The following PRKCB variants were observed in gnomAD, a reference collection of about 807,000 sequenced individuals.
The protein encoded by PRKCB is protein kinase C beta type.
Under a neutral mutation model 81.5 loss-of-function variants are expected in PRKCB, and 13 were observed. That is an observed-to-expected ratio of 0.16 (90% CI 0.10 to 0.25). PRKCB has a LOEUF of 0.25. PRKCB is among the 10% of genes least tolerant of loss of function. PRKCB has a pLI of 1.00. For synonymous variants in PRKCB, 335 were observed against 321.4 expected (o/e 1.04, Z -0.45); for missense variants, 509 against 875.7 (o/e 0.58, Z 5.29).
At chr16:24,173,657 C>A (rs1279178454) in intron 11 of PRKCB, among the ~76,000 whole-genome samples, 1 of 152,190 alleles carries the variant, frequency 6.6e-6, no homozygotes, top group African/African-American at 2.4e-5. Flanking sequence ...TACATAGTTC[C>A]CCAAAGCCCT....
At chr16:23,936,875 T>C (rs1964067303) in intron 2 of PRKCB, among the ~76,000 whole-genome samples, 1 of 152,158 alleles carries the variant, frequency 6.6e-6, no homozygotes, top group Non-Finnish European at 1.5e-5. Flanking sequence ...TGTGTAGAAA[T>C]CCATCTGTAG....
chr16:23,903,157 C>T (rs1404158971), intron 2 of PRKCB, among the ~76,000 whole-genome samples: 1 of 151,774 alleles, frequency 6.6e-6, no homozygotes, highest in Non-Finnish European at 1.5e-5. Context: ...AAACCCTCCC[C>T]TGACTCAGAG....
intron 16 of PRKCB, among the ~76,000 whole-genome samples, chr16:24,203,398 G>T (rs932209104): frequency 2.0e-5 from 3 of 152,096 alleles, no homozygotes; most frequent in Non-Finnish European, 4.4e-5. Flanking sequence ...CATGGCAAGA[G>T]AACACATGAG....
At chr16:24,093,951 C>A (rs1430419446) in intron 6 of PRKCB, among the ~76,000 whole-genome samples, 1 of 152,208 alleles carries the variant, frequency 6.6e-6, no homozygotes, top group African/African-American at 2.4e-5. Flanking sequence ...CATAGCCAGT[C>A]TAAGACCTCT....
intron 5 of PRKCB, among the ~76,000 whole-genome samples, chr16:24,053,574 G>A (rs1289578825): frequency 2.6e-5 from 4 of 152,090 alleles, no homozygotes; most frequent in African/African-American, 9.7e-5. Context: ...AAGAAAAAAC[G>A]GAAAAAGAGG....
intron 16 of PRKCB, among the ~76,000 whole-genome samples, chr16:24,196,150 A>C (rs1407979019): frequency 6.6e-6 from 1 of 152,138 alleles, no homozygotes; most frequent in Non-Finnish European, 1.5e-5. Context: ...CTACTTTAAG[A>C]TTGTGACTTT....
intron 5 of PRKCB, among the ~76,000 whole-genome samples, chr16:24,045,413 G>A (rs1236460839): frequency 2.6e-5 from 4 of 152,136 alleles, no homozygotes; most frequent in African/African-American, 7.2e-5. Context: ...CAGCAAGGTC[G>A]CTGGCATCAT....
intron 3 of PRKCB, among the ~76,000 whole-genome samples, chr16:24,020,173 A>T (rs567300225): frequency 1.3e-5 from 2 of 152,300 alleles, no homozygotes; most frequent in Admixed American, 1.3e-4. Flanking sequence ...GAACATTTAA[A>T]ATTTTCATTT....
At chr16:24,048,881 C>T (rs1462185140) in intron 5 of PRKCB, among the ~76,000 whole-genome samples, 5 of 152,002 alleles carry the variant, frequency 3.3e-5, no homozygotes, top group African/African-American at 7.3e-5. Flanking sequence ...TGCTATTACC[C>T]GTAGTCCTTC....
At chr16:23,865,464 G>A (rs1487729124) in intron 2 of PRKCB, among the ~76,000 whole-genome samples, 1 of 42,022 alleles carries the variant, frequency 2.4e-5, no homozygotes, top group Non-Finnish European at 4.0e-5. Flanking sequence ...AACAATGCCC[G>A]GCATATATAT....
intron 4 of PRKCB, among the ~76,000 whole-genome samples, 169 bp downstream of exon 4, chr16:24,032,416 G>A (rs776139301): frequency 2.0e-5 from 3 of 152,204 alleles, no homozygotes; most frequent in Non-Finnish European, 4.4e-5. Flanking sequence ...CCAAAACACT[G>A]TGACTGAAGA....
intron 2 of PRKCB, among the ~76,000 whole-genome samples, chr16:23,879,483 T>C (rs892394897): frequency 2.4e-3 from 1 of 414 alleles, no homozygotes; most frequent in Non-Finnish European, 4.2e-3. Flanking sequence ...TTAGCTATCC[T>C]TTTTTTTTTT....
intron 2 of PRKCB, among the ~76,000 whole-genome samples, chr16:23,913,711 G>A (rs981986736): frequency 5.3e-5 from 8 of 152,344 alleles, no homozygotes; most frequent in Non-Finnish European, 1.0e-4. Context: ...AAGCTCTTCT[G>A]ACTTTTCTGG....
chr16:24,207,944 G>T (rs1968072476), intron 16 of PRKCB, among the ~76,000 whole-genome samples: 1 of 152,214 alleles, frequency 6.6e-6, no homozygotes, highest in Non-Finnish European at 1.5e-5. Context: ...ATGGCTGGAG[G>T]GTGTCTCAGG....
chr16:23,971,024 G>A (rs1001670233), intron 2 of PRKCB, among the ~76,000 whole-genome samples: 1 of 152,140 alleles, frequency 6.6e-6, no homozygotes, highest in Admixed American at 6.5e-5. Context: ...TGGAATGTGG[G>A]GATTATAGTA....
chr16:23,896,259 A>G (rs372586485), intron 2 of PRKCB, among the ~76,000 whole-genome samples: 13 of 152,192 alleles, frequency 8.5e-5, no homozygotes, highest in African/African-American at 2.9e-4. Context: ...TTTTTTAAAG[A>G]TGTGACTCTC....
intron 5 of PRKCB, among the ~76,000 whole-genome samples, chr16:24,090,126 G>C (rs1966360076): frequency 6.6e-6 from 1 of 152,138 alleles, no homozygotes; most frequent in African/African-American, 2.4e-5. Flanking sequence ...CTAGCAGAAT[G>C]CTTAGCACTT....
At chr16:24,182,731 G>A (rs374694672) in intron 13 of PRKCB, among the ~76,000 whole-genome samples, 2 of 152,124 alleles carry the variant, frequency 1.3e-5, no homozygotes, top group East Asian at 3.9e-4. Context: ...TGGAGGGGAG[G>A]CAACTTCACC....
chr16:24,174,596 T>C lies in PRKCB; in HGVS notation c.1394+16T>C, dbSNP rs1420840424. ...TCATTTACCGGTAAGTGAACACTGC[T>C]GTACTTTCCATCTCTTCATCTCCCT... On this transcript the variant is annotated intron_variant, in intron 12 of 16. Transcript: ENST00000643927. 5 of 1,604,928 alleles carry C rather than the reference T, an allele frequency of 3.1e-6. No individual in the cohort carries two copies. The highest frequency in any genetic ancestry group is 4.3e-6 in the Non-Finnish European group (5 of 1,172,764).
Sources: gnomAD v4.1 joint callset for allele counts (sites outside exome capture counted in the v4.1 genomes callset) on GRCh38, gnomAD v4.1.1 for gene constraint, MANE v1.5 for transcripts, NCBI Gene and HGNC (gene_info 2026-07-23, HGNC 2026-07-21) for gene names.